NLGN1: variants seen among roughly 807,000 people sequenced by gnomAD.
NLGN1 encodes neuroligin 1, also known as neuroligin-1.
NLGN1 carries 12 observed loss-of-function variants against 65.5 expected under a neutral mutation model. That is an observed-to-expected ratio of 0.18 (90% CI 0.12 to 0.30). The LOEUF is 0.30. Among genes scored for constraint, NLGN1 ranks in the 10% least tolerant of loss-of-function variants. The pLI is 1.00. For missense variants in NLGN1, 750 were observed against 1,007.1 expected (o/e 0.74, Z 3.46); for synonymous variants, 350 against 359.5 (o/e 0.97, Z 0.30).
At chr3:174,181,576 C>A (rs1730425236) in intron 4 of NLGN1, among the ~76,000 whole-genome samples, 1 of 152,060 alleles carries the variant, frequency 6.6e-6, no homozygotes, top group Non-Finnish European at 1.5e-5. Flanking sequence ...CTGCAGAAGA[C>A]CCTGATTCAA....
chr3:174,208,291 C>T (rs531132513), intron 4 of NLGN1, among the ~76,000 whole-genome samples: 5 of 152,090 alleles, frequency 3.3e-5, no homozygotes, highest in Non-Finnish European at 7.4e-5. Flanking sequence ...ACTTAAGAAA[C>T]GATGTACCAA....
intron 4 of NLGN1, among the ~76,000 whole-genome samples, chr3:173,813,329 T>G (rs572513629): frequency 6.6e-6 from 1 of 152,276 alleles, no homozygotes; most frequent in Non-Finnish European, 1.5e-5. Flanking sequence ...AACAAAAAAC[T>G]TCAAGTGGGA....
intron 4 of NLGN1, among the ~76,000 whole-genome samples, chr3:174,116,012 A>G (rs1716329033): frequency 6.6e-6 from 1 of 152,196 alleles, no homozygotes; most frequent in South Asian, 2.1e-4. Flanking sequence ...AAAATTTCCT[A>G]GTAAAAACTC....
At chr3:174,281,197 C>T (rs1751477154) in exon 7 of NLGN1, 1 of 1,612,946 alleles carries the variant, frequency 6.2e-7, no homozygotes, top group African/African-American at 1.3e-5. Context: ...AACACTATAC[C>T]AGGGATTCAG....
At chr3:173,944,740 T>G (rs1407343019) in intron 4 of NLGN1, among the ~76,000 whole-genome samples, 1 of 152,214 alleles carries the variant, frequency 6.6e-6, no homozygotes, top group Admixed American at 6.5e-5. Flanking sequence ...CTTTGCTCCT[T>G]TCTGGTCTGA....
intron 4 of NLGN1, among the ~76,000 whole-genome samples, chr3:174,258,857 A>T (rs571892782): frequency 3.1e-4 from 47 of 152,240 alleles, no homozygotes; most frequent in African/African-American, 1.1e-3. Flanking sequence ...AAGAAAGGGA[A>T]GGGAGGAAAA....
intron 4 of NLGN1, among the ~76,000 whole-genome samples, chr3:174,087,302 G>A (rs1743610748): frequency 6.6e-6 from 1 of 152,144 alleles, no homozygotes; most frequent in Non-Finnish European, 1.5e-5. Flanking sequence ...GTATGTGGGT[G>A]TTTGTCAGAA....
chr3:174,104,030 A>G (rs1713163796), intron 4 of NLGN1, among the ~76,000 whole-genome samples: 1 of 152,028 alleles, frequency 6.6e-6, no homozygotes, highest in South Asian at 2.1e-4. Context: ...TAGAGTAATG[A>G]TATTTTACTT....
chr3:173,887,567 G>C (rs1734582273), intron 4 of NLGN1, among the ~76,000 whole-genome samples: 1 of 151,978 alleles, frequency 6.6e-6, no homozygotes, highest in South Asian at 2.1e-4. Flanking sequence ...TTCCTAAAGG[G>C]ACACAGCTAA....
At chr3:173,897,712 A>G (rs2152155294) in intron 4 of NLGN1, among the ~76,000 whole-genome samples, 1 of 152,316 alleles carries the variant, frequency 6.6e-6, no homozygotes, top group South Asian at 2.1e-4. Context: ...AGGCAAGATA[A>G]ACAATAGATA....
chr3:174,291,609 G>T (rs1752770080), downstream of NLGN1, among the ~76,000 whole-genome samples: 1 of 151,206 alleles, frequency 6.6e-6, no homozygotes, highest in African/African-American at 2.4e-5. Context: ...CAAAAGATAA[G>T]ACGTTAGAAT....
chr3:173,935,023 C>G (rs957128340), intron 4 of NLGN1, among the ~76,000 whole-genome samples: 3 of 152,022 alleles, frequency 2.0e-5, no homozygotes, highest in Non-Finnish European at 2.9e-5. Context: ...GTTACAATGT[C>G]TGTCCCAGAC....
intron 4 of NLGN1, among the ~76,000 whole-genome samples, chr3:174,131,838 G>T (rs1258425959): frequency 1.3e-5 from 2 of 152,136 alleles, no homozygotes; most frequent in Non-Finnish European, 2.9e-5. Flanking sequence ...GGCTAGAAAG[G>T]TTGTATTGAT....
At chr3:173,704,732 G>A (rs1413061853) in intron 3 of NLGN1, among the ~76,000 whole-genome samples, 4 of 152,250 alleles carry the variant, frequency 2.6e-5, no homozygotes, top group African/African-American at 7.2e-5. Flanking sequence ...TCATTTATAT[G>A]TTAGTACACT....
chr3:173,855,541 T>G (rs1047431852), intron 4 of NLGN1, among the ~76,000 whole-genome samples: 1 of 152,100 alleles, frequency 6.6e-6, no homozygotes, highest in African/African-American at 2.4e-5. Context: ...GGCAACATAA[T>G]GTATTCTTGT....
rs1368752948 is a variant in NLGN1 at position 173,539,847 on chromosome 3, TTA to T, written c.-320-64428_-320-64427del. 2.1e-3 allele frequency among the ~76,000 whole-genome samples: 284 copies of T among 136,838 alleles called. 2 individuals carry two copies. Among genetic ancestry groups the T allele is most frequent in the Non-Finnish European group, 3.4e-3 (227 of 65,970 alleles). 89.8% of individuals were successfully genotyped at this position (136,838 alleles called of 152,430 possible). ...TATATATGTATATATGTTATATATA[TTA>T]TATGTTATGTATGTGTTATATATAT... On this transcript the variant is annotated intron_variant, in intron 2 of 6. Transcript: ENST00000457714.
At chr3:174,055,769 A>G (rs970369684) in intron 4 of NLGN1, among the ~76,000 whole-genome samples, 1 of 152,060 alleles carries the variant, frequency 6.6e-6, no homozygotes, top group African/African-American at 2.4e-5. Flanking sequence ...AACACTTAAA[A>G]CAATGCTTGG....
chr3:173,877,149 T>C (rs1210753835), intron 4 of NLGN1, among the ~76,000 whole-genome samples: 4 of 152,202 alleles, frequency 2.6e-5, no homozygotes, highest in Non-Finnish European at 5.9e-5. Flanking sequence ...TACTGTGTGA[T>C]CAAATTTAAT....
chr3:174,182,136 C>T (rs755445701), intron 4 of NLGN1, among the ~76,000 whole-genome samples: 2 of 152,000 alleles, frequency 1.3e-5, no homozygotes, highest in East Asian at 3.9e-4. Context: ...GCAGAGCCTA[C>T]CAATCTTTTT....
Sources: allele counts gnomAD v4.1 joint callset (sites outside exome capture counted in the v4.1 genomes callset), GRCh38; gene constraint gnomAD v4.1.1; transcripts MANE v1.5; gene names NCBI Gene and HGNC (gene_info 2026-07-23, HGNC 2026-07-21).